Variants in PCNX2 observed in about 807,000 individuals in gnomAD.
PCNX2 encodes pecanex 2, also known as pecanex-like protein 2.
In PCNX2, 168 loss-of-function variants were observed where a neutral mutation model predicts 223.8. The observed-to-expected ratio is 0.75, with a 90% CI of 0.66 to 0.85. The LOEUF is 0.85. Among genes scored for constraint, PCNX2 ranks in the 40% least tolerant of loss-of-function variants. The pLI is 0.00. For synonymous variants in PCNX2, 1,006 were observed against 1,052.6 expected, an observed-to-expected ratio of 0.96 and a Z score of 0.86; for missense variants, 2,507 against 2,675.5, an observed-to-expected ratio of 0.94 and a Z score of 1.39.
intron 15 of PCNX2, among the ~76,000 whole-genome samples, chr1:233,190,465 G>T (rs1169329766): frequency 6.6e-6 from 1 of 152,186 alleles, no homozygotes; most frequent in Admixed American, 6.5e-5. Flanking sequence ...GACGTACAAA[G>T]GAGAAGGAAG....
chr1:233,017,640 T>C (rs1053660270), intron 26 of PCNX2, among the ~76,000 whole-genome samples: 1 of 151,144 alleles, frequency 6.6e-6, no homozygotes, highest in African/African-American at 2.4e-5. Flanking sequence ...TTAAGGGTTA[T>C]CTTCAACCTC....
intron 15 of PCNX2, among the ~76,000 whole-genome samples, chr1:233,186,992 A>G (rs1680133671): frequency 6.6e-6 from 1 of 152,216 alleles, no homozygotes; most frequent in African/African-American, 2.4e-5. Context: ...TATTCAATCC[A>G]AGATTTTTGT....
intron 8 of PCNX2, among the ~76,000 whole-genome samples, chr1:233,244,829 T>G (rs1659006363): frequency 6.6e-6 from 1 of 152,262 alleles, no homozygotes; most frequent in South Asian, 2.1e-4. Context: ...TTCATTTTGC[T>G]GTACCTTCCC....
rs1420369352 is a variant in PCNX2 at position 233,135,118 on chromosome 1, C to T, written c.3732G>A (p.Gln1244=). The T allele has an allele frequency of 1.9e-6, 3 of 1,613,642 alleles. No homozygotes were observed. Among genetic ancestry groups the T allele is most frequent in the Non-Finnish European group, 2.5e-6 (3 of 1,179,692 alleles). ...LRTSFCNPVY[Q]FINLSFTVIF... ...TGACAGTGAAGCTCAAGTTAATAAA[C>T]TGGTAAACCGGGTTGCAGAATGATG... Residue 1244 remains glutamine, a synonymous_variant, in exon 21 of 34, where the codon CAG becomes CAA. Coordinates refer to ENST00000258229, the MANE Select transcript of PCNX2 (RefSeq NM_014801.4).
intron 8 of PCNX2, among the ~76,000 whole-genome samples, chr1:233,246,405 G>A (rs1201037351): frequency 6.6e-6 from 1 of 152,200 alleles, no homozygotes; most frequent in Non-Finnish European, 1.5e-5. Flanking sequence ...GGTGGGGGAT[G>A]GGAGCAGGGA....
At chr1:233,041,154 C>CT (rs1378781762) in intron 25 of PCNX2, among the ~76,000 whole-genome samples, 3 of 152,126 alleles carry the variant, frequency 2.0e-5, no homozygotes, top group African/African-American at 7.2e-5. Context: ...TTGGTTAACT[C>CT]TAAGTCTGCC....
intron 25 of PCNX2, among the ~76,000 whole-genome samples, chr1:233,026,203 G>A (rs1671073517): frequency 6.6e-6 from 1 of 152,216 alleles, no homozygotes; most frequent in Non-Finnish European, 1.5e-5. Context: ...GTAGAGACCT[G>A]AAGGAGGTCG....
intron 26 of PCNX2, among the ~76,000 whole-genome samples, chr1:233,023,789 T>C (rs1277554950): frequency 1.3e-5 from 2 of 152,250 alleles, no homozygotes; most frequent in Non-Finnish European, 2.9e-5. Context: ...AACGGCTAAA[T>C]CTGTTGTAAA....
chr1:233,253,304 A>C lies in PCNX2; in HGVS notation c.1835-516T>G, dbSNP rs377077903. Among the ~76,000 whole-genome samples, 37 of 152,280 alleles carry C rather than the reference A, an allele frequency of 2.4e-4. No homozygotes were observed. In the South Asian group the frequency reaches 6.4e-3, roughly 26 times the overall value. On this transcript the variant is annotated intron_variant, in intron 5 of 33. Transcript: ENST00000258229. The surrounding 1 kb of genome is among the most constrained non-coding windows in gnomAD (Gnocchi z 4.2). Reference sequence around the variant, plus strand: ...CCCCTTCATAAAGCAAATACTTGTTAAGTATAGCTGGGGGCGGGGGTTGTT... The same window carrying C: ...CCCCTTCATAAAGCAAATACTTGTTCAGTATAGCTGGGGGCGGGGGTTGTT...
At chr1:233,245,944 G>C (rs1345466065) in intron 8 of PCNX2, among the ~76,000 whole-genome samples, 11 of 144,534 alleles carry the variant, frequency 7.6e-5, no homozygotes, top group African/African-American at 2.9e-4. Flanking sequence ...ACAAACAAAA[G>C]AAACTTAAAA....
At chr1:233,235,957 A>AAAAAAATATATATATAT (rs369886650) in intron 9 of PCNX2, among the ~76,000 whole-genome samples, 1 of 93,114 alleles carries the variant, frequency 1.1e-5, no homozygotes, top group Non-Finnish European at 2.2e-5. Flanking sequence ...CATAAAAAAA[A>AAAAAAATATATATATAT]ATATATATAT....
intron 9 of PCNX2, among the ~76,000 whole-genome samples, chr1:233,234,032 A>G (rs1408423535): frequency 6.6e-6 from 1 of 152,066 alleles, no homozygotes; most frequent in Non-Finnish European, 1.5e-5. Context: ...TGTGTCCCAC[A>G]CCACCAGAGC....
intron 25 of PCNX2, among the ~76,000 whole-genome samples, chr1:233,049,982 A>C (rs1003460460): frequency 3.3e-5 from 5 of 152,164 alleles, no homozygotes; most frequent in Non-Finnish European, 5.9e-5. Context: ...GACACAAACA[A>C]ATGGGAAAAC....
the PCNX2 span, among the ~76,000 whole-genome samples, chr1:233,324,761 T>C: frequency 6.6e-6 from 1 of 151,938 alleles, no homozygotes; most frequent in Non-Finnish European, 1.5e-5. Context: ...TCACCACACC[T>C]GGCCAATTTT....
chr1:233,325,203 A>G, the PCNX2 span, among the ~76,000 whole-genome samples: 2 of 152,222 alleles, frequency 1.3e-5, no homozygotes, highest in Admixed American at 6.5e-5. Flanking sequence ...TCTAGATGCC[A>G]TTAAAAACAC....
In PCNX2 at chr1:232,999,177, T is replaced by G. The variant is rs550497958; in HGVS notation, c.5531A>C (p.Gln1844Pro). ...LTTSYLGTHR[Q>P]LKNIWGGPIT... is the part of the protein sequence containing the mutation. ...GGGTCCACCCCAGATGTTCTTCAGC[T>G]GCCTGTGTGTCCCTAGGTAGGATGT... The change falls in exon 31 of 34, where the codon CAG (glutamine) becomes CCG (proline). Residue 1844 changes from glutamine (Q) to proline (P), a missense_variant. Around this residue, in one of 3 missense-constraint regions of PCNX2, gnomAD observed 1,372 missense variants for 1,509.4 expected, o/e 0.91. Coordinates refer to ENST00000258229, the MANE Select transcript of PCNX2 (RefSeq NM_014801.4). 1.2e-6 allele frequency: 2 copies of G among 1,613,958 alleles called. No homozygotes were observed. The highest frequency in any genetic ancestry group is 1.7e-5 in the Admixed American group (1 of 60,012).
intron 21 of PCNX2, among the ~76,000 whole-genome samples, chr1:233,103,524 G>A (rs1331128502): frequency 6.6e-6 from 1 of 152,028 alleles, no homozygotes; most frequent in Non-Finnish European, 1.5e-5. Flanking sequence ...ACAAATAGAT[G>A]AGAATATATA....
intron 17 of PCNX2, among the ~76,000 whole-genome samples, chr1:233,162,385 T>C (rs1193399778): frequency 3.9e-5 from 6 of 152,212 alleles, no homozygotes; most frequent in African/African-American, 1.4e-4. Context: ...ATCGAAGGGA[T>C]TTATGCCTTT....
At chr1:233,071,107 C>T (rs1031155497) in intron 23 of PCNX2, among the ~76,000 whole-genome samples, 3 of 152,194 alleles carry the variant, frequency 2.0e-5, no homozygotes, top group Admixed American at 2.0e-4. Flanking sequence ...AATTGAATTA[C>T]TTCCCCATAA....
Sources: allele counts gnomAD v4.1 joint callset (sites outside exome capture counted in the v4.1 genomes callset), GRCh38; gene constraint gnomAD v4.1.1; regional missense constraint gnomAD v4.1.1; non-coding constraint Gnocchi (gnomAD v3.1); transcripts MANE v1.5; gene names NCBI Gene and HGNC (gene_info 2026-07-23, HGNC 2026-07-21).